Variants in SLIT3 observed in about 807,000 individuals in gnomAD.
SLIT3 encodes the protein slit guidance ligand 3.
A neutral mutation model predicts 184.0 loss-of-function variants in SLIT3; 68 were observed. The observed-to-expected ratio is 0.37, with a 90% CI of 0.30 to 0.45. The LOEUF (loss-of-function observed/expected upper bound fraction) is 0.45. SLIT3 is among the 20% of genes least tolerant of loss of function. The pLI is 1.00. For missense variants in SLIT3, 1,707 were observed against 2,026.0 expected, an observed-to-expected ratio of 0.84 and a Z score of 3.02; for synonymous variants, 831 against 828.6, an observed-to-expected ratio of 1.00 and a Z score of -0.05.
At chr5:168,707,734 C>T (rs1762416104) in intron 26 of SLIT3, 1 of 454,240 alleles carries the variant, frequency 2.2e-6, no homozygotes, top group Non-Finnish European at 3.9e-6. Flanking sequence ...GTTACATTTC[C>T]TCTTTCTCTC....
rs576143873 is a variant in SLIT3, at chr5:168,913,049, T to C, written c.414-29713A>G. 4.6e-5 allele frequency among the ~76,000 whole-genome samples: 7 copies of C among 152,354 alleles called. No individual in the cohort carries two copies. The South Asian group carries it at 1.0e-3, about 23-fold the overall frequency. On this transcript the variant is annotated intron_variant, in intron 4 of 35. Transcript: ENST00000519560. ...GCCTTGAATTCCAGACCCCTGCTAC[T>C]GATGAGTTATTTTTGGCCTTTTCTC...
Position 168,755,704 on chromosome 5 carries a change from G to A in SLIT3, c.1686-1697C>T, listed in dbSNP as rs140430275. ...ACCCACCTTGGCCTCCCAAAGTGCCGGGATTACAGGCATGAGCCGCCATGC... is the reference window on the plus strand; with the variant it reads ...ACCCACCTTGGCCTCCCAAAGTGCCAGGATTACAGGCATGAGCCGCCATGC... On this transcript the variant is annotated intron_variant, in intron 16 of 35. Transcript: ENST00000519560. Among the ~76,000 whole-genome samples, 347 of 152,256 alleles carry A rather than the reference G, an allele frequency of 2.3e-3. 3 individuals are homozygous for A. Among genetic ancestry groups the A allele is most frequent in the African/African-American group, 7.5e-3 (310 of 41,566 alleles).
intron 4 of SLIT3, among the ~76,000 whole-genome samples, chr5:168,968,403 C>T (rs1763288926): frequency 6.6e-6 from 1 of 152,162 alleles, no homozygotes; most frequent in African/African-American, 2.4e-5. Context: ...GAGACGAATC[C>T]CATCCCTGTT....
At chr5:169,295,049 C>T (rs1767459897) in intron 1 of SLIT3, among the ~76,000 whole-genome samples, 1 of 152,180 alleles carries the variant, frequency 6.6e-6, no homozygotes, top group South Asian at 2.1e-4. Flanking sequence ...AATGTGAAGG[C>T]CTAGGACATT....
chr5:168,690,616 T>G (rs1404025832), intron 29 of SLIT3, among the ~76,000 whole-genome samples: 1 of 152,152 alleles, frequency 6.6e-6, no homozygotes, highest in Non-Finnish European at 1.5e-5. Context: ...AGCAGTGAAC[T>G]GAAGTCAAAT....
chr5:168,675,286 AGG>A (rs1761372201), intron 32 of SLIT3, among the ~76,000 whole-genome samples: 1 of 152,138 alleles, frequency 6.6e-6, no homozygotes, highest in Non-Finnish European at 1.5e-5. Flanking sequence ...GGATCCCAGC[AGG>A]GGGTGGCACT....
At chr5:168,700,529 A>G in intron 27 of SLIT3, 53 bp downstream of exon 27, 2 of 1,234,822 alleles carry the variant, frequency 1.6e-6, no homozygotes, top group Non-Finnish European at 2.4e-6. Context: ...TGTCTTTATT[A>G]GCAGTGTGAG....
intron 4 of SLIT3, chr5:168,995,547 G>C (rs1755481485): frequency 6.6e-6 from 1 of 152,124 alleles, no homozygotes; most frequent in Non-Finnish European, 1.5e-5. Flanking sequence ...TGGTATGAGG[G>C]GAAAAACCCA....
chr5:168,804,920 C>T (rs1268983332), intron 9 of SLIT3, among the ~76,000 whole-genome samples: 1 of 152,230 alleles, frequency 6.6e-6, no homozygotes. Flanking sequence ...GCCACACTGG[C>T]CTTCTGGAGC....
At chr5:169,048,721 A>C (rs540942586) in intron 4 of SLIT3, among the ~76,000 whole-genome samples, 69 of 152,322 alleles carry the variant, frequency 4.5e-4, no homozygotes, top group Admixed American at 3.7e-3. Context: ...TGCCTCGGAT[A>C]ATAACAGCCG....
At chr5:168,955,538 A>G (rs1232794443) in intron 4 of SLIT3, among the ~76,000 whole-genome samples, 1 of 152,192 alleles carries the variant, frequency 6.6e-6, no homozygotes, top group African/African-American at 2.4e-5. Flanking sequence ...AACCTAAGCC[A>G]TGGGGAAGGA....
intron 1 of SLIT3, among the ~76,000 whole-genome samples, chr5:169,252,308 G>A (rs1419332797): frequency 6.6e-6 from 1 of 152,142 alleles, no homozygotes; most frequent in African/African-American, 2.4e-5. Flanking sequence ...AAAGACATTT[G>A]CATGGATTAC....
At chr5:168,851,793 A>G (rs1420924255) in intron 5 of SLIT3, among the ~76,000 whole-genome samples, 1 of 152,154 alleles carries the variant, frequency 6.6e-6, no homozygotes. Flanking sequence ...ACTCAGTTGA[A>G]AATAGATTTA....
At chr5:169,281,280 C>T (rs1766983865) in intron 1 of SLIT3, among the ~76,000 whole-genome samples, 1 of 152,178 alleles carries the variant, frequency 6.6e-6, no homozygotes, top group Admixed American at 6.5e-5. Flanking sequence ...TGATCGAGAC[C>T]ATCCTGGCCA....
At chr5:168,842,469 GTTTTTT>G (rs778998998) in intron 6 of SLIT3, among the ~76,000 whole-genome samples, 1 of 88,100 alleles carries the variant, frequency 1.1e-5, no homozygotes, top group South Asian at 4.3e-4. Flanking sequence ...CCGTTTTTTC[GTTTTTT>G]TTTTTTTTTT....
intron 14 of SLIT3, among the ~76,000 whole-genome samples, chr5:168,765,378 T>G (rs761980576): frequency 1.3e-5 from 2 of 152,184 alleles, no homozygotes; most frequent in Non-Finnish European, 2.9e-5. Context: ...TTTTTCCCCC[T>G]GCTGTTTTTG....
At chr5:168,670,306 C>T (rs1761197339) in intron 34 of SLIT3, among the ~76,000 whole-genome samples, 1 of 152,202 alleles carries the variant, frequency 6.6e-6, no homozygotes, top group South Asian at 2.1e-4. Context: ...ATTCTCTAAA[C>T]ATTTTAATTG....
Position 168,754,024 on chromosome 5 carries a change from G to A in SLIT3, c.1686-17C>T, listed in dbSNP as rs1001303658. On this transcript the variant is annotated splice_polypyrimidine_tract_variant and intron_variant, in intron 16 of 35. Transcript: ENST00000519560. ...CTCAGATTTCTAGAAGGAAGAAACA[G>A]AATAGGGGAGAATCAAAAGGAGCAG... The A allele has an allele frequency of 1.3e-6, 2 of 1,547,132 alleles. No homozygotes were observed. Among genetic ancestry groups the A allele is most frequent in the African/African-American group, 1.4e-5 (1 of 73,478 alleles).
intron 1 of SLIT3, among the ~76,000 whole-genome samples, chr5:169,271,952 GCA>G (rs997311592): frequency 6.6e-6 from 1 of 152,214 alleles, no homozygotes; most frequent in African/African-American, 2.4e-5. Context: ...GGGCAAATGA[GCA>G]CAGTGCTGGG....
Sources: allele counts gnomAD v4.1 joint callset (sites outside exome capture counted in the v4.1 genomes callset), GRCh38; gene constraint gnomAD v4.1.1; transcripts MANE v1.5; gene names NCBI Gene and HGNC (gene_info 2026-07-23, HGNC 2026-07-21).